The following GSDME variants were observed in gnomAD, a reference collection of about 807,000 sequenced individuals.
GSDME encodes the protein gasdermin E, also known as gasdermin-E.
A neutral mutation model predicts 47.5 loss-of-function variants in GSDME; 44 were observed. The observed-to-expected ratio is 0.93, with a 90% CI of 0.73 to 1.19. The LOEUF (loss-of-function observed/expected upper bound fraction) is 1.19, where lower values mean the gene tolerates loss of function less well. Among genes scored for constraint, GSDME ranks in the 50% most tolerant of loss-of-function variants. The pLI is 0.00. For missense variants in GSDME, 663 were observed against 604.2 expected (o/e 1.10, Z -1.02); for synonymous variants, 258 against 252.8 (o/e 1.02, Z -0.20).
At chr7:24,781,199 G>A in the GSDME span, among the ~76,000 whole-genome samples, 9 of 152,202 alleles carry the variant, frequency 5.9e-5, no homozygotes, top group Non-Finnish European at 4.4e-5. Flanking sequence ...GGCAGGAGAG[G>A]TGTACAGCCT....
In GSDME at chr7:24,726,528, T is replaced by C. The variant is rs912519167; in HGVS notation, c.405-7310A>G. 1.3e-5 allele frequency among the ~76,000 whole-genome samples: 2 copies of C among 152,096 alleles called. No individual in the cohort carries two copies. Among genetic ancestry groups the C allele is most frequent in the Non-Finnish European group, 2.9e-5 (2 of 67,998 alleles). On this transcript the variant is annotated intron_variant, in intron 3 of 9. Coordinates refer to ENST00000645220, the MANE Select transcript of GSDME (RefSeq NM_001127453.2). The surrounding 1 kb of genome is among the most constrained non-coding windows in gnomAD (Gnocchi z 5.6). ...GGTCCTCTTACACAAAAACCCTTGA[T>C]AGTAACAATGGTAGGCCGGGCGCGG...
At chr7:24,789,259 A>G in the GSDME span, among the ~76,000 whole-genome samples, 1 of 146,810 alleles carries the variant, frequency 6.8e-6, no homozygotes, top group East Asian at 2.4e-4. Context: ...TTTTCACATT[A>G]GGACACACAC....
the GSDME span, among the ~76,000 whole-genome samples, chr7:24,774,913 G>C: frequency 6.6e-6 from 1 of 152,142 alleles, no homozygotes; most frequent in African/African-American, 2.4e-5. Context: ...ACCCACACAA[G>C]GCATGTGTGT....
In GSDME at chr7:24,710,312, CA is replaced by C. The variant is rs765139282; in HGVS notation, c.773del (p.Leu258ArgfsTer9). On this transcript the variant is annotated frameshift_variant, in exon 6 of 10. Transcript: ENST00000645220. LOFTEE classifies it high-confidence loss of function. ...KRIDSVYLDP[L>X]VFREFAFIDM... ...CTATGAATGCAAACTCTCGAAAGAC[CA>C]GGGGGTCCAGGTAGACAGAGTCAAT... 2 of 1,614,246 alleles carry C rather than the reference CA, an allele frequency of 1.2e-6. No individual in the cohort carries two copies. The highest frequency in any genetic ancestry group is 1.7e-6 in the Non-Finnish European group (2 of 1,180,052).
chr7:24,700,646 C>G (rs909948615), intron 9 of GSDME, among the ~76,000 whole-genome samples: 2 of 152,036 alleles, frequency 1.3e-5, no homozygotes, highest in Admixed American at 1.3e-4. Context: ...CAAAATCAGC[C>G]TCACGAACCT....
At chr7:24,779,672 C>T in the GSDME span, among the ~76,000 whole-genome samples, 108 of 152,264 alleles carry the variant, frequency 7.1e-4, no homozygotes, top group Non-Finnish European at 7.4e-4. The surrounding 1 kb of genome is among the most constrained non-coding windows in gnomAD (Gnocchi z 6.0). Flanking sequence ...AGTTCTGGGG[C>T]GAGTGGATTC....
intron 3 of GSDME, among the ~76,000 whole-genome samples, chr7:24,720,692 G>C (rs1789744459): frequency 6.6e-6 from 1 of 152,216 alleles, no homozygotes; most frequent in Non-Finnish European, 1.5e-5. Context: ...GAGGCAGGTG[G>C]ATCACCTGAG....
chr7:24,746,316 T>A (rs762672338), intron 2 of GSDME, among the ~76,000 whole-genome samples: 1 of 152,206 alleles, frequency 6.6e-6, no homozygotes, highest in Non-Finnish European at 1.5e-5. Flanking sequence ...ATAAAGAGGT[T>A]AGGATTCTAT....
chr7:24,781,535 G>A, the GSDME span, among the ~76,000 whole-genome samples: 9 of 152,108 alleles, frequency 5.9e-5, no homozygotes, highest in African/African-American at 1.9e-4. Context: ...AGTTCATATA[G>A]TATGTATTGG....
chr7:24,731,913 T>A (rs1790158041), intron 3 of GSDME, among the ~76,000 whole-genome samples: 1 of 152,220 alleles, frequency 6.6e-6, no homozygotes, highest in Non-Finnish European at 1.5e-5. Context: ...ATTGTTTTGA[T>A]TTTTAAAATG....
At chr7:24,719,929 A>C (rs1317688383) in intron 3 of GSDME, among the ~76,000 whole-genome samples, 2 of 152,226 alleles carry the variant, frequency 1.3e-5, no homozygotes, top group Non-Finnish European at 2.9e-5. Context: ...CCCAGGGAAT[A>C]CAGGATTATG....
At chr7:24,794,773 A>G in the GSDME span, among the ~76,000 whole-genome samples, 1 of 152,108 alleles carries the variant, frequency 6.6e-6, no homozygotes, top group Non-Finnish European at 1.5e-5. Context: ...CTCCTCTCTC[A>G]GGAGACAAAA....
At chr7:24,748,168 A>ATTTTTTTTT (rs1366320411) in intron 2 of GSDME, among the ~76,000 whole-genome samples, 1 of 117,498 alleles carries the variant, frequency 8.5e-6, no homozygotes, top group African/African-American at 2.9e-5. Flanking sequence ...ATATATATAT[A>ATTTTTTTTT]TTTTTTTTTG....
At chr7:24,707,320 G>A (rs1345054358) in intron 7 of GSDME, 2 of 471,164 alleles carry the variant, frequency 4.2e-6, no homozygotes, top group East Asian at 6.9e-5. Context: ...CCTTAAGAAA[G>A]GGAGGACACA....
At chr7:24,719,735 A>G (rs950803691) in intron 3 of GSDME, among the ~76,000 whole-genome samples, 5 of 152,036 alleles carry the variant, frequency 3.3e-5, no homozygotes, top group African/African-American at 4.8e-5. Context: ...GGAATTTGCA[A>G]TGAGCTGAGA....
In GSDME at chr7:24,716,822, A is replaced by T. The variant is rs914463397; in HGVS notation, c.697+432T>A. On this transcript the variant is annotated intron_variant, in intron 5 of 9. Coordinates refer to ENST00000645220, the MANE Select transcript of GSDME (RefSeq NM_001127453.2). The surrounding 1 kb of genome is among the most constrained non-coding windows in gnomAD (Gnocchi z 4.5). ...ATAGGCCTCATCTCATTAAATCTTC[A>T]CACAGCCCTGTGAAGAAATGCCCTT... 1 of 261,968 alleles carries T rather than the reference A, an allele frequency of 3.8e-6. No individual in the cohort carries two copies. Among genetic ancestry groups the T allele is most frequent in the Middle Eastern group, 7.0e-4 (1 of 1,436 alleles). 16.2% of individuals were successfully genotyped at this position (261,968 alleles called of 1,614,324 possible).
chr7:24,706,412 C>T (rs749964998), intron 7 of GSDME, 36 bp from the exon 8 acceptor site: 1 of 1,599,816 alleles, frequency 6.3e-7, no homozygotes, highest in Admixed American at 1.7e-5. Context: ...CATGACACAG[C>T]TGGAGACCAA....
At chr7:24,758,596 G>C (rs1157020015), upstream of GSDME, among the ~76,000 whole-genome samples, 1 of 152,198 alleles carries the variant, frequency 6.6e-6, no homozygotes, top group Non-Finnish European at 1.5e-5. This position sits in a 1 kb window ranked among gnomAD's most constrained non-coding sequence, Gnocchi z 4.6. Context: ...CTGTCTTAAA[G>C]GCTGTTCGGG....
chr7:24,753,937 T>C (rs1790934669), intron 1 of GSDME, among the ~76,000 whole-genome samples: 1 of 152,132 alleles, frequency 6.6e-6, no homozygotes, highest in Non-Finnish European at 1.5e-5. Flanking sequence ...AGATAACTAG[T>C]CAGCCAGGAA....
Sources: allele counts gnomAD v4.1 joint callset (sites outside exome capture counted in the v4.1 genomes callset), GRCh38; gene constraint gnomAD v4.1.1; non-coding constraint Gnocchi (gnomAD v3.1); transcripts MANE v1.5; gene names NCBI Gene and HGNC (gene_info 2026-07-23, HGNC 2026-07-21).